The following SORCS2 variants were observed in gnomAD, a reference collection of about 807,000 sequenced individuals.
The protein encoded by SORCS2 is VPS10 domain-containing receptor SorCS2.
Under a neutral mutation model 141.6 loss-of-function variants are expected in SORCS2, and 100 were observed. The observed-to-expected ratio is 0.71, with a 90% CI of 0.60 to 0.83. The LOEUF is 0.83. Among genes scored for constraint, SORCS2 ranks in the 40% least tolerant of loss-of-function variants. The pLI, the probability that SORCS2 is intolerant of heterozygous loss-of-function variation, is 0.00. For synonymous variants in SORCS2, 789 were observed against 676.9 expected, an observed-to-expected ratio of 1.17 and a Z score of -2.57; for missense variants, 1,646 against 1,560.2, an observed-to-expected ratio of 1.05 and a Z score of -0.93.
At chr4:7,291,262 G>A (rs991423965) in intron 1 of SORCS2, among the ~76,000 whole-genome samples, 7 of 152,194 alleles carry the variant, frequency 4.6e-5, no homozygotes, top group Non-Finnish European at 1.0e-4. Flanking sequence ...GGGGGGCCAG[G>A]AGAGGGTTTA....
intron 26 of SORCS2, among the ~76,000 whole-genome samples, chr4:7,739,138 C>T (rs906330273): frequency 3.9e-5 from 6 of 152,210 alleles, no homozygotes; most frequent in Non-Finnish European, 7.3e-5. Flanking sequence ...AGCTGTTACT[C>T]AACCTCCCCA....
At chr4:7,269,997 A>G (rs1715008466) in intron 1 of SORCS2, among the ~76,000 whole-genome samples, 1 of 152,210 alleles carries the variant, frequency 6.6e-6, no homozygotes, top group Admixed American at 6.5e-5. Context: ...TTCCTGCCTC[A>G]GCCTCCCAAG....
intron 1 of SORCS2, among the ~76,000 whole-genome samples, chr4:7,268,807 GC>G (rs1395911381): frequency 1.3e-5 from 2 of 152,186 alleles, no homozygotes; most frequent in African/African-American, 4.8e-5. Context: ...CAGGTAGCAG[GC>G]CCATGGGCAT....
At chr4:7,549,833 G>A (rs944485676) in intron 3 of SORCS2, among the ~76,000 whole-genome samples, 5 of 152,124 alleles carry the variant, frequency 3.3e-5, no homozygotes, top group Admixed American at 1.3e-4. Context: ...CACACCAAGG[G>A]CAACCATATA....
chr4:7,498,881 G>T (rs937151230), intron 2 of SORCS2, among the ~76,000 whole-genome samples: 1 of 152,208 alleles, frequency 6.6e-6, no homozygotes, highest in African/African-American at 2.4e-5. Flanking sequence ...CCAGAGCCCT[G>T]TCACCCCCAG....
intron 3 of SORCS2, among the ~76,000 whole-genome samples, chr4:7,573,110 C>T (rs1309893089): frequency 3.3e-5 from 5 of 152,198 alleles, no homozygotes; most frequent in African/African-American, 1.2e-4. Flanking sequence ...AACAGCCTGC[C>T]TTCAATTCCC....
At chr4:7,643,815 C>T (rs1447500430) in intron 4 of SORCS2, among the ~76,000 whole-genome samples, 1 of 152,160 alleles carries the variant, frequency 6.6e-6, no homozygotes, top group Non-Finnish European at 1.5e-5. Context: ...TTCGCGTTGG[C>T]TGCTGTGAAT....
chr4:7,452,976 G>A (rs1728576128), intron 2 of SORCS2, among the ~76,000 whole-genome samples: 1 of 141,930 alleles, frequency 7.0e-6, no homozygotes. Flanking sequence ...GGTGCTGTGT[G>A]TTGGGGTCAG....
At chr4:7,596,961 A>G (rs16840605) in intron 3 of SORCS2, among the ~76,000 whole-genome samples, 11,105 of 152,130 alleles carry the variant, frequency 0.073, 615 homozygotes, top group African/African-American at 0.15. Context: ...TTGAATCTGG[A>G]AAAAGCTAAG....
Position 7,638,408 on chromosome 4 carries a change from G to A in SORCS2, c.729G>A (p.Lys243=). The part of the protein sequence containing the change: ...LSADEGATFQ[K]QPIPFFVETL... Reference sequence around the variant, plus strand: ...CAGACGAAGGCGCCACCTTTCAGAAGCAGCCCATTCCCTTCTTCGTGGAAA... The same window carrying A: ...CAGACGAAGGCGCCACCTTTCAGAAACAGCCCATTCCCTTCTTCGTGGAAA... Residue 243 remains lysine (K), a synonymous_variant, in exon 4 of 27, where the codon AAG becomes AAA. Transcript: ENST00000507866. The A allele has an allele frequency of 6.3e-7, 1 of 1,594,154 alleles. No individual in the cohort carries two copies. Among genetic ancestry groups the A allele is most frequent in the Non-Finnish European group, 8.5e-7 (1 of 1,172,304 alleles).
intron 3 of SORCS2, among the ~76,000 whole-genome samples, chr4:7,548,958 C>G (rs1003459474): frequency 2.6e-5 from 4 of 152,286 alleles, no homozygotes; most frequent in African/African-American, 9.6e-5. Context: ...ATCAGCATAG[C>G]CTGGGGAGCT....
At chr4:7,221,179 A>G (rs1401134923) in intron 1 of SORCS2, among the ~76,000 whole-genome samples, 1 of 152,112 alleles carries the variant, frequency 6.6e-6, no homozygotes, top group Non-Finnish European at 1.5e-5. Context: ...GGCAAATATT[A>G]TCACCTTTCT....
At chr4:7,318,222 G>C (rs934784324) in intron 1 of SORCS2, among the ~76,000 whole-genome samples, 7 of 152,316 alleles carry the variant, frequency 4.6e-5, no homozygotes, top group African/African-American at 1.7e-4. Context: ...CAAGGCTCAG[G>C]GAGGTAAGTC....
chr4:7,302,288 A>G (rs1717485012), intron 1 of SORCS2, among the ~76,000 whole-genome samples: 1 of 152,242 alleles, frequency 6.6e-6, no homozygotes. Context: ...AGTAGCTTGC[A>G]CGTTGCTGGA....
At chr4:7,613,684 T>C (rs1718571579) in intron 3 of SORCS2, among the ~76,000 whole-genome samples, 1 of 152,098 alleles carries the variant, frequency 6.6e-6, no homozygotes, top group South Asian at 2.1e-4. Flanking sequence ...CTCTCATCGA[T>C]TTCCTAGTGT....
At chr4:7,507,060 G>A (rs1414987559) in intron 2 of SORCS2, among the ~76,000 whole-genome samples, 1 of 152,136 alleles carries the variant, frequency 6.6e-6, no homozygotes, top group African/African-American at 2.4e-5. Context: ...TGTTAGAGTT[G>A]TGTTTCTGAG....
intron 3 of SORCS2, among the ~76,000 whole-genome samples, chr4:7,611,167 T>C (rs1046869070): frequency 4.6e-5 from 7 of 152,212 alleles, no homozygotes; most frequent in Non-Finnish European, 1.0e-4. Flanking sequence ...GTGACAGCTC[T>C]TTCTGAAAGA....
At chr4:7,603,461 A>G (rs1338077173) in intron 3 of SORCS2, among the ~76,000 whole-genome samples, 1 of 152,130 alleles carries the variant, frequency 6.6e-6, no homozygotes, top group Non-Finnish European at 1.5e-5. Flanking sequence ...TCACTCAAGA[A>G]TTCTCCCTGG....
At chr4:7,608,753 G>T (rs1439829528) in intron 3 of SORCS2, among the ~76,000 whole-genome samples, 1 of 152,086 alleles carries the variant, frequency 6.6e-6, no homozygotes, top group African/African-American at 2.4e-5. Flanking sequence ...CCGCTCCAGG[G>T]ACATCACATC....
Sources: allele counts gnomAD v4.1 joint callset (sites outside exome capture counted in the v4.1 genomes callset), GRCh38; gene constraint gnomAD v4.1.1; transcripts MANE v1.5; gene names NCBI Gene and HGNC (gene_info 2026-07-23, HGNC 2026-07-21).